The following GRIA2 variants were observed in gnomAD, a reference collection of about 807,000 sequenced individuals.
GRIA2 encodes the protein glutamate receptor 2.
A neutral mutation model predicts 97.3 loss-of-function variants in GRIA2; 14 were observed. The ratio of observed to expected loss-of-function variants is 0.14; its 90% CI spans 0.10 to 0.23. The LOEUF (loss-of-function observed/expected upper bound fraction) is 0.23. Among genes scored for constraint, GRIA2 ranks in the 10% least tolerant of loss-of-function variants. The pLI is 1.00. For synonymous variants in GRIA2, 412 were observed against 387.8 expected, an observed-to-expected ratio of 1.06 and a Z score of -0.73; for missense variants, 558 against 1,069.8, an observed-to-expected ratio of 0.52 and a Z score of 6.67.
At position 157,353,601 on chromosome 4, in the gene GRIA2, G is replaced by A. The variant is rs189152625; in HGVS notation, c.2044-6295G>A. Among the ~76,000 whole-genome samples, 900 of 152,038 alleles carry A rather than the reference G, an allele frequency of 5.9e-3. 63 individuals are homozygous for A. The East Asian group carries it at 0.15, about 25-fold the overall frequency. ...TGAGGCAGGAGAATGGCATGAACCCGGGAGGTGGAGCTTGCAGTGAGCCGA... is the reference window on the plus strand; with the variant it reads ...TGAGGCAGGAGAATGGCATGAACCCAGGAGGTGGAGCTTGCAGTGAGCCGA... On this transcript the variant is annotated intron_variant, in intron 12 of 15. Transcript: ENST00000264426.
At chr4:157,224,967 G>A (rs1230718518) in intron 2 of GRIA2, among the ~76,000 whole-genome samples, 2 of 152,010 alleles carry the variant, frequency 1.3e-5, no homozygotes, top group African/African-American at 4.8e-5. Flanking sequence ...ATCCCACAGA[G>A]CTAAATTTAC....
chr4:157,355,224 A>C lies in GRIA2; in HGVS notation c.2044-4672A>C, dbSNP rs1046468567. The stretch of plus-strand genomic sequence containing the variant: ...ATGATTGTATTTGATTTAACATGTA[A>C]CTTCAAAATACACAGTCTTCCGGCC... On this transcript the variant is annotated intron_variant, in intron 12 of 15. Coordinates refer to ENST00000264426, the MANE Select transcript of GRIA2 (RefSeq NM_001083619.3). Among the ~76,000 whole-genome samples the C allele has an allele frequency of 4.1e-4, 63 of 152,104 alleles. 2 individuals carry two copies. The highest frequency in any genetic ancestry group is 4.1e-3 in the Admixed American group (63 of 15,248).
chr4:157,280,085 A>T lies in GRIA2; in HGVS notation c.230-23467A>T, dbSNP rs1005033472. Among the ~76,000 whole-genome samples, 5 of 152,306 alleles carry T rather than the reference A, an allele frequency of 3.3e-5. No individual in the cohort carries two copies. The South Asian group carries it at 1.0e-3, about 32-fold the overall frequency. ...GGTTGCCATAAGCCGAGATCACGCC[A>T]CTGCACTCCAGCCTGGGTTACAGAG... On this transcript the variant is annotated intron_variant, in intron 2 of 15. Transcript: ENST00000264426.
At chr4:157,338,887 G>T (rs1735422138) in intron 11 of GRIA2, among the ~76,000 whole-genome samples, 1 of 151,846 alleles carries the variant, frequency 6.6e-6, no homozygotes, top group African/African-American at 2.4e-5. Context: ...TAGTTGAGAA[G>T]AATACAGTAG....
chr4:157,277,890 G>GTATATATATATGTATATA lies in GRIA2; in HGVS notation c.230-25660_230-25643dup, dbSNP rs1732414367. Among the ~76,000 whole-genome samples the GTATATATATATGTATATA allele has an allele frequency of 4.0e-5, 3 of 75,696 alleles. No homozygotes were observed. In the South Asian group the frequency reaches 1.1e-3, roughly 27 times the overall value. The allele number at this position is 75,696 out of a possible 152,430, so 49.7% of individuals were successfully genotyped here. A position where few individuals can be genotyped will look rare whatever the true frequency, so the allele number is the denominator to read the frequency against. On this transcript the variant is annotated intron_variant, in intron 2 of 15. Coordinates refer to ENST00000264426, the MANE Select transcript of GRIA2 (RefSeq NM_001083619.3). ...TATATATGTATATATATGTATATAT[G>GTATATATATATGTATATA]TATATATATATGTATATATGTATAT...
At chr4:157,255,825 C>A (rs1731216541) in intron 2 of GRIA2, among the ~76,000 whole-genome samples, 1 of 151,588 alleles carries the variant, frequency 6.6e-6, no homozygotes, top group Non-Finnish European at 1.5e-5. Context: ...AACCAAATAA[C>A]CCTATAAAAA....
chr4:157,304,928 G>A lies in GRIA2; in HGVS notation c.469+1137G>A, dbSNP rs561426742. ...CTAATCCTGGGAATGAGAACACTCA[G>A]TGGAAAAGCCAGTCAGCACTATACA... On this transcript the variant is annotated intron_variant, in intron 3 of 15. Transcript: ENST00000264426. Among the ~76,000 whole-genome samples, 3 of 152,182 alleles carry A rather than the reference G, an allele frequency of 2.0e-5. No individual in the cohort carries two copies. The South Asian group carries it at 6.2e-4, about 32-fold the overall frequency.
intron 12 of GRIA2, among the ~76,000 whole-genome samples, chr4:157,359,634 A>G (rs1023407313): frequency 1.1e-4 from 17 of 152,074 alleles, no homozygotes; most frequent in African/African-American, 3.6e-4. Flanking sequence ...GATTGTGACT[A>G]TTTCAGATTA....
rs79151327 is a variant in GRIA2 at position 157,233,724 on chromosome 4, C to A, written c.229+11917C>A. On this transcript the variant is annotated intron_variant, in intron 2 of 15. Coordinates refer to ENST00000264426, the MANE Select transcript of GRIA2 (RefSeq NM_001083619.3). ...ACTGATATAAAACCTAAACCCCATG[C>A]TCAAAGCAATGGAGGAAGGTGCTGC... 7.2e-4 allele frequency among the ~76,000 whole-genome samples: 109 copies of A among 152,162 alleles called. 1 individual carries two copies. The Middle Eastern group carries it at 0.014, about 19-fold the overall frequency.
intron 2 of GRIA2, among the ~76,000 whole-genome samples, chr4:157,295,719 T>A (rs1208114096): frequency 6.6e-6 from 1 of 152,118 alleles, no homozygotes; most frequent in Admixed American, 6.6e-5. Flanking sequence ...CTTCATTTCA[T>A]CATAAGAAGA....
intron 2 of GRIA2, among the ~76,000 whole-genome samples, chr4:157,223,469 A>G (rs1016820432): frequency 1.3e-5 from 2 of 152,170 alleles, no homozygotes; most frequent in African/African-American, 4.8e-5. Context: ...TATCTCAGAA[A>G]ATTTTAGTAC....
intron 3 of GRIA2, among the ~76,000 whole-genome samples, chr4:157,305,818 A>G (rs745650336): frequency 2.6e-5 from 4 of 152,092 alleles, no homozygotes; most frequent in South Asian, 2.1e-4. Flanking sequence ...AGAATTGCCT[A>G]TTGAGCCCCT....
intron 9 of GRIA2, 69 bp downstream of exon 9, chr4:157,334,189 T>C: frequency 1.3e-6 from 1 of 792,710 alleles, no homozygotes; most frequent in Non-Finnish European, 2.3e-6. Flanking sequence ...GAGTAGCTAT[T>C]TATATTTTAG....
chr4:157,340,625 T>C (rs1416850323), intron 11 of GRIA2, among the ~76,000 whole-genome samples: 3 of 151,938 alleles, frequency 2.0e-5, no homozygotes, highest in Non-Finnish European at 2.9e-5. Context: ...TAGCCATCCA[T>C]ACTCTGAAGC....
chr4:157,247,650 C>G (rs951088563), intron 2 of GRIA2, among the ~76,000 whole-genome samples: 1 of 152,032 alleles, frequency 6.6e-6, no homozygotes, highest in Non-Finnish European at 1.5e-5. Context: ...AGGGTTATTT[C>G]GGGGGAGGCA....
intron 2 of GRIA2, among the ~76,000 whole-genome samples, chr4:157,224,549 T>C (rs900203057): frequency 2.0e-5 from 3 of 152,180 alleles, no homozygotes; most frequent in Admixed American, 6.5e-5. Flanking sequence ...TGTTTGTTTT[T>C]GTGCTATGGA....
chr4:157,311,002 T>C (rs891512157), intron 3 of GRIA2, among the ~76,000 whole-genome samples: 1 of 152,068 alleles, frequency 6.6e-6, no homozygotes, highest in African/African-American at 2.4e-5. Context: ...ATCTCTCTTT[T>C]TGGGTAGTTA....
chr4:157,357,664 A>G (rs1371850708), intron 12 of GRIA2, among the ~76,000 whole-genome samples: 2 of 152,154 alleles, frequency 1.3e-5, no homozygotes, highest in East Asian at 3.8e-4. Context: ...CAGAACTTGT[A>G]TGTCTAGGTG....
At chr4:157,276,281 C>A (rs1732308715) in intron 2 of GRIA2, among the ~76,000 whole-genome samples, 1 of 152,000 alleles carries the variant, frequency 6.6e-6, no homozygotes. Flanking sequence ...CAACACACTT[C>A]TAAATAATAC....
Sources: gnomAD v4.1 joint callset for allele counts (sites outside exome capture counted in the v4.1 genomes callset) on GRCh38, gnomAD v4.1.1 for gene constraint, MANE v1.5 for transcripts, NCBI Gene and HGNC (gene_info 2026-07-23, HGNC 2026-07-21) for gene names.